The following KCNMB2 variants were observed in gnomAD, a reference collection of about 807,000 sequenced individuals.
The protein encoded by KCNMB2 is calcium-activated potassium channel subunit beta-2.
In KCNMB2, 9 loss-of-function variants were observed where a neutral mutation model predicts 24.5. The observed-to-expected ratio is 0.37, with a 90% CI of 0.22 to 0.64. The LOEUF is 0.64. KCNMB2 is among the 30% of genes least tolerant of loss of function. The pLI, the probability that KCNMB2 is intolerant of heterozygous loss-of-function variation, is 0.63. For missense variants in KCNMB2, 226 were observed against 284.3 expected, an observed-to-expected ratio of 0.79 and a Z score of 1.47; for synonymous variants, 109 against 104.4, an observed-to-expected ratio of 1.04 and a Z score of -0.27.
chr3:178,814,630 C>G (rs893339406), intron 2 of KCNMB2, among the ~76,000 whole-genome samples: 2 of 152,132 alleles, frequency 1.3e-5, no homozygotes, highest in African/African-American at 4.8e-5. Flanking sequence ...TCCTCTCAGC[C>G]TCACCAAGAT....
chr3:178,595,054 A>C (rs1717816409), intron 1 of KCNMB2, among the ~76,000 whole-genome samples: 1 of 113,700 alleles, frequency 8.8e-6, no homozygotes, highest in African/African-American at 4.6e-5. Context: ...CATATACAGT[A>C]TTTGCAAAAA....
intron 1 of KCNMB2, among the ~76,000 whole-genome samples, chr3:178,793,522 T>TGG (rs1491583407): frequency 2.0e-5 from 3 of 148,430 alleles, no homozygotes; most frequent in Admixed American, 6.8e-5. Flanking sequence ...CCTGGGGGGG[T>TGG]GGGCAATGGA....
intron 1 of KCNMB2, among the ~76,000 whole-genome samples, chr3:178,713,779 A>G (rs955235309): frequency 3.3e-5 from 5 of 152,172 alleles, no homozygotes; most frequent in Non-Finnish European, 7.4e-5. Flanking sequence ...CTTTAGTACA[A>G]TTTAATGAAT....
chr3:178,687,693 A>AC (rs1721516237), intron 1 of KCNMB2, among the ~76,000 whole-genome samples: 1 of 152,200 alleles, frequency 6.6e-6, no homozygotes, highest in Non-Finnish European at 1.5e-5. Context: ...GCTTTTGTTC[A>AC]TGAGCAGCCA....
chr3:178,586,907 C>T (rs1199847782), intron 1 of KCNMB2, among the ~76,000 whole-genome samples: 1 of 152,134 alleles, frequency 6.6e-6, no homozygotes, highest in East Asian at 1.9e-4. Flanking sequence ...AAACTATTCT[C>T]TTATACTTTT....
chr3:178,633,744 A>G lies in KCNMB2; in HGVS notation c.-68+97033A>G, dbSNP rs190931959. On this transcript the variant is annotated intron_variant, in intron 1 of 4. Transcript: ENST00000452583. ...ATTAGCATTTGGCTCCTTGTTACTC[A>G]TGCAAACTTCTACTACTGGCTTGAA... is the stretch of plus-strand genomic sequence containing the variant. Among the ~76,000 whole-genome samples the G allele has an allele frequency of 1.5e-4, 23 of 152,328 alleles. 2 individuals carry two copies. The highest frequency in any genetic ancestry group is 5.1e-4 in the African/African-American group (21 of 41,574).
At chr3:178,839,273 A>T (rs955657123) in intron 4 of KCNMB2, among the ~76,000 whole-genome samples, 1 of 152,072 alleles carries the variant, frequency 6.6e-6, no homozygotes, top group African/African-American at 2.4e-5. Context: ...TTCCTCAGAG[A>T]TAGCTTTTTT....
At chr3:178,546,255 A>AGG (rs1473842332) in intron 1 of KCNMB2, among the ~76,000 whole-genome samples, 1 of 152,194 alleles carries the variant, frequency 6.6e-6, no homozygotes, top group African/African-American at 2.4e-5. Flanking sequence ...TTCTAGGTCT[A>AGG]TTTCCCCATT....
chr3:178,603,717 T>G lies in KCNMB2; in HGVS notation c.-68+67006T>G, dbSNP rs189899321. The stretch of plus-strand genomic sequence containing the variant: ...TTGAATGATAAGCAGGGTAACCAGA[T>G]GCAGTACTGACGTGATGATACTGTA... On this transcript the variant is annotated intron_variant, in intron 1 of 4. Coordinates refer to ENST00000452583, the MANE Select transcript of KCNMB2 (RefSeq NM_181361.3). 9.9e-5 allele frequency among the ~76,000 whole-genome samples: 15 copies of G among 152,270 alleles called. No homozygotes were observed. The East Asian group carries it at 2.9e-3, about 29-fold the overall frequency.
At chr3:178,743,647 C>G (rs923560572) in intron 1 of KCNMB2, among the ~76,000 whole-genome samples, 4 of 152,016 alleles carry the variant, frequency 2.6e-5, no homozygotes, top group Non-Finnish European at 4.4e-5. Context: ...GTTCCTCTGA[C>G]AGTAGAGTGT....
At chr3:178,606,091 G>A (rs1339933366) in intron 1 of KCNMB2, among the ~76,000 whole-genome samples, 1 of 152,194 alleles carries the variant, frequency 6.6e-6, no homozygotes, top group Non-Finnish European at 1.5e-5. Flanking sequence ...GAAGGAGATA[G>A]GAAGGAATGA....
intron 1 of KCNMB2, among the ~76,000 whole-genome samples, chr3:178,577,398 C>T (rs1306078257): frequency 6.6e-6 from 1 of 152,148 alleles, no homozygotes; most frequent in Admixed American, 6.5e-5. Context: ...TAGATAAATC[C>T]ATAAAGATGA....
intron 1 of KCNMB2, among the ~76,000 whole-genome samples, chr3:178,570,898 T>C (rs988688160): frequency 6.6e-6 from 1 of 152,194 alleles, no homozygotes; most frequent in Non-Finnish European, 1.5e-5. Context: ...TTTTGCCTCA[T>C]AGGATGCAAC....
chr3:178,682,683 A>T (rs183392347), intron 1 of KCNMB2, among the ~76,000 whole-genome samples: 9 of 152,044 alleles, frequency 5.9e-5, no homozygotes, highest in African/African-American at 1.9e-4. Context: ...AGCAAAAAAA[A>T]CCCTATTAAA....
At chr3:178,610,683 T>C (rs1027958347) in intron 1 of KCNMB2, among the ~76,000 whole-genome samples, 12 of 152,204 alleles carry the variant, frequency 7.9e-5, no homozygotes, top group African/African-American at 2.9e-4. Context: ...TTAGATCATC[T>C]CATCAGCAAA....
chr3:178,583,390 G>T (rs1577027446), intron 1 of KCNMB2, among the ~76,000 whole-genome samples: 1 of 151,980 alleles, frequency 6.6e-6, no homozygotes, highest in Non-Finnish European at 1.5e-5. Flanking sequence ...AATATAAAAA[G>T]GGAACCTAAT....
chr3:178,636,891 T>A (rs1161578636), intron 1 of KCNMB2, among the ~76,000 whole-genome samples: 2 of 152,090 alleles, frequency 1.3e-5, no homozygotes, highest in Non-Finnish European at 2.9e-5. Flanking sequence ...TGTGTGTTGT[T>A]CCCCCATGTG....
At chr3:178,620,140 T>A (rs1718856001) in intron 1 of KCNMB2, among the ~76,000 whole-genome samples, 1 of 152,194 alleles carries the variant, frequency 6.6e-6, no homozygotes, top group Admixed American at 6.5e-5. Context: ...TATGTTCCTA[T>A]GCTTGAATAT....
chr3:178,609,059 A>G (rs1044689742), intron 1 of KCNMB2, among the ~76,000 whole-genome samples: 23 of 152,264 alleles, frequency 1.5e-4, no homozygotes, highest in Admixed American at 1.2e-3. Context: ...TTTTTGAGGA[A>G]CCTCCAAATT....
Sources: gnomAD v4.1 joint callset for allele counts (sites outside exome capture counted in the v4.1 genomes callset) on GRCh38, gnomAD v4.1.1 for gene constraint, MANE v1.5 for transcripts, NCBI Gene and HGNC (gene_info 2026-07-23, HGNC 2026-07-21) for gene names.